Variants in BTBD9 observed in about 807,000 individuals in gnomAD.
The protein encoded by BTBD9 is BTB/POZ domain-containing protein 9.
BTBD9 carries 49 observed loss-of-function variants against 64.3 expected under a neutral mutation model. The ratio of observed to expected loss-of-function variants is 0.76; its 90% CI spans 0.61 to 0.97. The LOEUF (loss-of-function observed/expected upper bound fraction) is 0.97. BTBD9 is among the 50% of genes least tolerant of loss of function. The pLI, the probability that BTBD9 is intolerant of heterozygous loss-of-function variation, is 0.00. For missense variants in BTBD9, 598 were observed against 762.1 expected, an observed-to-expected ratio of 0.78 and a Z score of 2.53; for synonymous variants, 260 against 274.7, an observed-to-expected ratio of 0.95 and a Z score of 0.53.
At chr6:38,504,941 C>CT (rs1432980827) in intron 6 of BTBD9, among the ~76,000 whole-genome samples, 3 of 152,162 alleles carry the variant, frequency 2.0e-5, no homozygotes, top group African/African-American at 7.2e-5. Flanking sequence ...ACTGGAAATG[C>CT]TTTTGTAATA....
At chr6:38,347,761 C>A (rs1050373539) in intron 6 of BTBD9, among the ~76,000 whole-genome samples, 2 of 152,148 alleles carry the variant, frequency 1.3e-5, no homozygotes, top group African/African-American at 2.4e-5. Context: ...CATTGGGAGG[C>A]CTGGGTGGGT....
chr6:38,536,602 T>C (rs1411094447), intron 6 of BTBD9, among the ~76,000 whole-genome samples: 5 of 152,134 alleles, frequency 3.3e-5, no homozygotes, highest in African/African-American at 1.2e-4. Context: ...GACGAATGGA[T>C]AAAGAAAGTG....
chr6:38,523,519 C>G (rs1773357016), intron 6 of BTBD9, among the ~76,000 whole-genome samples: 1 of 152,160 alleles, frequency 6.6e-6, no homozygotes, highest in Non-Finnish European at 1.5e-5. Flanking sequence ...TCAGAGAGCT[C>G]TGTCCCAACC....
intron 6 of BTBD9, among the ~76,000 whole-genome samples, chr6:38,476,383 A>G (rs1770880934): frequency 6.6e-6 from 1 of 152,242 alleles, no homozygotes; most frequent in Admixed American, 6.5e-5. Flanking sequence ...AAAAGTACAC[A>G]TTTCACAACT....
At chr6:38,415,994 T>G (rs981053217) in intron 6 of BTBD9, among the ~76,000 whole-genome samples, 5 of 152,192 alleles carry the variant, frequency 3.3e-5, no homozygotes, top group African/African-American at 1.2e-4. Flanking sequence ...CCAGACAGAT[T>G]GGCTAGATGT....
intron 9 of BTBD9, among the ~76,000 whole-genome samples, chr6:38,232,242 C>A (rs1220454800): frequency 6.6e-6 from 1 of 151,892 alleles, no homozygotes; most frequent in Non-Finnish European, 1.5e-5. Flanking sequence ...AGTTTCAGCC[C>A]TGGTCTGGAA....
At chr6:38,488,264 T>G (rs182776304) in intron 6 of BTBD9, among the ~76,000 whole-genome samples, 2 of 152,250 alleles carry the variant, frequency 1.3e-5, no homozygotes, top group Non-Finnish European at 2.9e-5. Flanking sequence ...CCAAGGGATT[T>G]TTTTTTTAAT....
chr6:38,276,624 G>A (rs1014351581), intron 8 of BTBD9, among the ~76,000 whole-genome samples: 1 of 152,076 alleles, frequency 6.6e-6, no homozygotes, highest in Non-Finnish European at 1.5e-5. Flanking sequence ...TGTACTTCTT[G>A]TTTCAAATGT....
chr6:38,566,195 T>C (rs1775507354), intron 6 of BTBD9: 1 of 152,236 alleles, frequency 6.6e-6, no homozygotes, highest in Non-Finnish European at 1.5e-5. Flanking sequence ...ATAACATGTT[T>C]GTGTATGATT....
rs369602754 is a variant in BTBD9, at chr6:38,535,923, A to T, written c.1154+41677T>A. On this transcript the variant is annotated intron_variant, in intron 6 of 10. Coordinates refer to ENST00000481247, the MANE Select transcript of BTBD9 (RefSeq NM_001099272.2). ...CAAAACACTGAGGAAACCCTCCAGG[A>T]CATGGAGGGAGCAGAGATTTCTTGA... is the stretch of plus-strand genomic sequence containing the variant. 3.9e-4 allele frequency among the ~76,000 whole-genome samples: 60 copies of T among 152,288 alleles called. No individual in the cohort carries two copies. The South Asian group carries it at 0.012, about 31-fold the overall frequency.
In BTBD9 at chr6:38,420,634, G is replaced by A. The variant is rs559031695; in HGVS notation, c.1155-75541C>T. On this transcript the variant is annotated intron_variant, in intron 6 of 10. Coordinates refer to ENST00000481247, the MANE Select transcript of BTBD9 (RefSeq NM_001099272.2). Reference sequence around the variant, plus strand: ...GCACTTTGGGAAGCTGAGGCAGGGGGATCACAAGGTCAAGAAATAAAGACC... The same window carrying A: ...GCACTTTGGGAAGCTGAGGCAGGGGAATCACAAGGTCAAGAAATAAAGACC... Among the ~76,000 whole-genome samples the A allele has an allele frequency of 9.0e-4, 137 of 152,090 alleles. 1 individual carries two copies. The highest frequency in any genetic ancestry group is 3.2e-3 in the African/African-American group (133 of 41,498).
chr6:38,623,331 C>T (rs1201357482), intron 1 of BTBD9, among the ~76,000 whole-genome samples: 1 of 152,172 alleles, frequency 6.6e-6, no homozygotes, highest in Non-Finnish European at 1.5e-5. Flanking sequence ...CAACTAATAC[C>T]CCTACTTATA....
intron 6 of BTBD9, among the ~76,000 whole-genome samples, chr6:38,461,922 A>C (rs1019264007): frequency 2.0e-5 from 3 of 152,152 alleles, no homozygotes; most frequent in Non-Finnish European, 2.9e-5. Flanking sequence ...CCTAACATCT[A>C]ATGGCATTGA....
At chr6:38,236,032 G>A (rs564362571) in intron 9 of BTBD9, among the ~76,000 whole-genome samples, 2 of 152,212 alleles carry the variant, frequency 1.3e-5, no homozygotes, top group East Asian at 1.9e-4. Context: ...CATCAGAGTC[G>A]GGAAACTGAG....
At chr6:38,506,679 C>T (rs1230253264) in intron 6 of BTBD9, among the ~76,000 whole-genome samples, 4 of 152,192 alleles carry the variant, frequency 2.6e-5, no homozygotes, top group Non-Finnish European at 4.4e-5. Flanking sequence ...TTGCCACCAG[C>T]ATAATCCAAT....
At chr6:38,228,239 T>C (rs1014191317) in intron 9 of BTBD9, among the ~76,000 whole-genome samples, 4 of 148,776 alleles carry the variant, frequency 2.7e-5, no homozygotes, top group African/African-American at 7.5e-5. Flanking sequence ...GCCATGCCTA[T>C]AGTCCCAGTT....
intron 6 of BTBD9, among the ~76,000 whole-genome samples, chr6:38,382,367 T>A (rs1765972733): frequency 6.6e-6 from 1 of 151,964 alleles, no homozygotes; most frequent in Non-Finnish European, 1.5e-5. Context: ...CAGCCTCAGA[T>A]CCTTCCCAGG....
At chr6:38,492,218 C>T (rs1024925966) in intron 6 of BTBD9, among the ~76,000 whole-genome samples, 7 of 152,170 alleles carry the variant, frequency 4.6e-5, no homozygotes, top group African/African-American at 1.7e-4. Flanking sequence ...CAGGGTTCAA[C>T]AGCACCCCTT....
chr6:38,494,594 G>A (rs1026196949), intron 6 of BTBD9, among the ~76,000 whole-genome samples: 10 of 152,186 alleles, frequency 6.6e-5, no homozygotes, highest in Non-Finnish European at 1.0e-4. Context: ...CATATGGTGA[G>A]TTCAAAGTTG....
Sources: allele counts gnomAD v4.1 joint callset (sites outside exome capture counted in the v4.1 genomes callset), GRCh38; gene constraint gnomAD v4.1.1; transcripts MANE v1.5; gene names NCBI Gene and HGNC (gene_info 2026-07-23, HGNC 2026-07-21).